Variants in MACROD2 observed in about 807,000 individuals in gnomAD.
The protein encoded by MACROD2 is ADP-ribose glycohydrolase MACROD2.
In MACROD2, 36 loss-of-function variants were observed where a neutral mutation model predicts 70.4. The ratio of observed to expected loss-of-function variants is 0.51; its 90% CI spans 0.39 to 0.68. MACROD2 has a LOEUF of 0.68. MACROD2 is among the 30% of genes least tolerant of loss of function. The probability of loss-of-function intolerance (pLI) is 0.00; values close to 1 mark genes in which losing one functional copy is unlikely to be tolerated. For synonymous variants in MACROD2, 172 were observed against 178.8 expected (o/e 0.96, Z 0.30); for missense variants, 496 against 538.4 (o/e 0.92, Z 0.78).
chr20:15,172,319 A>G (rs544197529), intron 5 of MACROD2, among the ~76,000 whole-genome samples: 27 of 152,138 alleles, frequency 1.8e-4, no homozygotes, highest in Non-Finnish European at 1.3e-4. Flanking sequence ...GAGACCGGAC[A>G]AAACAAGTTG....
At chr20:15,861,683 T>C (rs566443400) in intron 8 of MACROD2, among the ~76,000 whole-genome samples, 7 of 152,182 alleles carry the variant, frequency 4.6e-5, no homozygotes, top group Non-Finnish European at 8.8e-5. Flanking sequence ...TGATTGTTTA[T>C]AACCCAGCCC....
intron 3 of MACROD2, among the ~76,000 whole-genome samples, chr20:14,099,588 G>A (rs1046200858): frequency 2.0e-5 from 3 of 151,924 alleles, no homozygotes; most frequent in African/African-American, 4.8e-5. Flanking sequence ...GTTGATGAGC[G>A]GCCTTAAGTA....
At position 14,656,250 on chromosome 20, in the gene MACROD2, C is replaced by T. The variant is rs1405849854; in HGVS notation, c.302-28593C>T. On this transcript the variant is annotated intron_variant, in intron 4 of 17. Coordinates refer to ENST00000684519, the MANE Select transcript of MACROD2 (RefSeq NM_001351661.2). The stretch of plus-strand genomic sequence containing the variant: ...TACAAGAGATTTCGGAGGTCTGCTC[C>T]CCCCCACCCATTTTATACTTCAGAG... Among the ~76,000 whole-genome samples, 4 of 152,132 alleles carry T rather than the reference C, an allele frequency of 2.6e-5. No individual in the cohort carries two copies. In the South Asian group the frequency reaches 6.2e-4, roughly 24 times the overall value.
chr20:14,590,627 C>T (rs557894169), intron 4 of MACROD2, among the ~76,000 whole-genome samples: 3 of 152,138 alleles, frequency 2.0e-5, no homozygotes, highest in South Asian at 2.1e-4. Context: ...CTATTTTTCC[C>T]GTATCTGTAT....
intron 6 of MACROD2, among the ~76,000 whole-genome samples, chr20:15,388,181 A>G (rs2045745358): frequency 6.6e-6 from 1 of 151,992 alleles, no homozygotes; most frequent in African/African-American, 2.4e-5. Context: ...GGGGAAGGGG[A>G]GGCTGAAAAG....
intron 4 of MACROD2, among the ~76,000 whole-genome samples, chr20:14,648,033 T>G (rs1985487199): frequency 6.6e-6 from 1 of 152,154 alleles, no homozygotes; most frequent in African/African-American, 2.4e-5. Context: ...TAATTTTCAT[T>G]TACCTTTGCC....
chr20:15,832,481 G>A (rs1027415355), intron 8 of MACROD2, among the ~76,000 whole-genome samples: 2 of 152,180 alleles, frequency 1.3e-5, no homozygotes, highest in Non-Finnish European at 2.9e-5. Flanking sequence ...TTAGACAGGA[G>A]CTGAGACCAT....
At chr20:14,510,739 C>G (rs1474337047) in intron 4 of MACROD2, among the ~76,000 whole-genome samples, 2 of 152,104 alleles carry the variant, frequency 1.3e-5, no homozygotes, top group African/African-American at 2.4e-5. Context: ...CAAATAGCCT[C>G]TATCTGATTT....
At chr20:14,880,705 G>A (rs1348952832) in intron 5 of MACROD2, among the ~76,000 whole-genome samples, 2 of 152,188 alleles carry the variant, frequency 1.3e-5, no homozygotes, top group Non-Finnish European at 2.9e-5. Flanking sequence ...ATGAGGAGAG[G>A]CCAAAAATTA....
intron 5 of MACROD2, among the ~76,000 whole-genome samples, chr20:14,689,100 G>A (rs1000841301): frequency 6.6e-6 from 1 of 151,974 alleles, no homozygotes; most frequent in African/African-American, 2.4e-5. Context: ...TGTGAACCTG[G>A]TCCTCAAAGC....
At chr20:15,782,887 T>C (rs748938840) in intron 8 of MACROD2, among the ~76,000 whole-genome samples, 20 of 152,096 alleles carry the variant, frequency 1.3e-4, no homozygotes, top group Admixed American at 5.9e-4. Flanking sequence ...ACACAGAGTC[T>C]TTCCTATCTT....
At chr20:14,907,785 A>G (rs1174578600) in intron 5 of MACROD2, among the ~76,000 whole-genome samples, 1 of 152,160 alleles carries the variant, frequency 6.6e-6, no homozygotes, top group East Asian at 1.9e-4. Context: ...ATGTCCAACG[A>G]AAGAGTTTAG....
At chr20:15,917,565 G>A (rs1228706062) in intron 10 of MACROD2, among the ~76,000 whole-genome samples, 1 of 152,156 alleles carries the variant, frequency 6.6e-6, no homozygotes, top group East Asian at 1.9e-4. Flanking sequence ...AAATAATCCA[G>A]TTTCATACTT....
At chr20:15,174,283 TTTA>T (rs2076443558) in intron 5 of MACROD2, among the ~76,000 whole-genome samples, 2 of 152,202 alleles carry the variant, frequency 1.3e-5, no homozygotes, top group South Asian at 4.1e-4. Context: ...ACTTGTGGCC[TTTA>T]TTATTTAGGA....
At chr20:14,105,843 G>A (rs1049748190) in intron 3 of MACROD2, among the ~76,000 whole-genome samples, 5 of 152,196 alleles carry the variant, frequency 3.3e-5, no homozygotes, top group Non-Finnish European at 5.9e-5. Context: ...GGGCAGAGTT[G>A]TGAGGCCCCC....
intron 2 of MACROD2, among the ~76,000 whole-genome samples, chr20:14,027,150 T>G (rs1473311223): frequency 6.6e-6 from 1 of 152,190 alleles, no homozygotes; most frequent in East Asian, 1.9e-4. Context: ...GAGGCTTTGT[T>G]CATTCCTTTT....
At chr20:14,176,931 G>A (rs1356372759) in intron 3 of MACROD2, among the ~76,000 whole-genome samples, 4 of 152,128 alleles carry the variant, frequency 2.6e-5, no homozygotes, top group Non-Finnish European at 1.5e-5. Flanking sequence ...AACCATTCCT[G>A]TTGAAACAAA....
chr20:15,066,277 G>A (rs1039294173), intron 5 of MACROD2, among the ~76,000 whole-genome samples: 11 of 151,838 alleles, frequency 7.2e-5, no homozygotes, highest in Admixed American at 1.3e-4. Flanking sequence ...GATTACAGGC[G>A]CCCACCACAA....
At chr20:15,796,455 C>G (rs1207910014) in intron 8 of MACROD2, among the ~76,000 whole-genome samples, 1 of 152,134 alleles carries the variant, frequency 6.6e-6, no homozygotes, top group Non-Finnish European at 1.5e-5. Context: ...AACCTTTGCA[C>G]GTAACAAATA....
Sources: allele counts gnomAD v4.1 joint callset (sites outside exome capture counted in the v4.1 genomes callset), GRCh38; gene constraint gnomAD v4.1.1; transcripts MANE v1.5; gene names NCBI Gene and HGNC (gene_info 2026-07-23, HGNC 2026-07-21).